The following PKP2 variants were observed in gnomAD, a reference collection of about 807,000 sequenced individuals.
The protein encoded by PKP2 is plakophilin 2, also known as plakophilin-2.
In PKP2, 73 loss-of-function variants were observed where a neutral mutation model predicts 83.4. The observed-to-expected ratio is 0.88, with a 90% CI of 0.72 to 1.06. The LOEUF is 1.06. Among genes scored for constraint, PKP2 ranks in the 50% least tolerant of loss-of-function variants. The pLI is 0.00. For missense variants in PKP2, 966 were observed against 1,065.4 expected (o/e 0.91, Z 1.30); for synonymous variants, 409 against 430.4 (o/e 0.95, Z 0.62).
At chr12:32,848,729 C>G (rs1240613697) in intron 5 of PKP2, among the ~76,000 whole-genome samples, 1 of 152,014 alleles carries the variant, frequency 6.6e-6, no homozygotes, top group Admixed American at 6.6e-5. Flanking sequence ...CCATTCGTAT[C>G]CCAAACCTCA....
intron 9 of PKP2, among the ~76,000 whole-genome samples, chr12:32,805,421 G>A (rs1473104188): frequency 6.6e-6 from 1 of 152,086 alleles, no homozygotes; most frequent in Admixed American, 6.6e-5. Flanking sequence ...TTCTTCTAGG[G>A]TTTTTATAGT....
intron 9 of PKP2, 175 bp downstream of exon 9, chr12:32,821,155 GTACTGACTTGACTTGTCAGTCAAGCA>G (rs1956371526): frequency 5.1e-6 from 3 of 585,812 alleles, no homozygotes; most frequent in African/African-American, 1.9e-5. Flanking sequence ...AACTGAAAGA[GTACTGACTTGACTTGTCAGTCAAGCA>G]GCCTGACTTG....
rs147761617 is a variant in PKP2 at position 32,829,582 on chromosome 12, G to T, written c.1557-5420C>A. On this transcript the variant is annotated intron_variant, in intron 6 of 12. Transcript: ENST00000340811. The stretch of plus-strand genomic sequence containing the variant: ...ATGGGACTATTGCTACTTGATAATG[G>T]GTATGGTTTTTTAACTAACACACAG... 6.2e-3 allele frequency among the ~76,000 whole-genome samples: 949 copies of T among 151,998 alleles called. 7 individuals are homozygous for T. The highest frequency in any genetic ancestry group is 0.01 in the Non-Finnish European group (684 of 67,940).
Position 32,814,373 on chromosome 12 carries a change from C to T in PKP2, c.2013+6983G>A, listed in dbSNP as rs370109050. On this transcript the variant is annotated intron_variant, in intron 9 of 12. Transcript: ENST00000340811. Reference sequence around the variant, plus strand: ...ATCTCTTCCATACATCAGCCACTCACTTCCATGGTCACACAGAGCCTGTGT... The same window carrying T: ...ATCTCTTCCATACATCAGCCACTCATTTCCATGGTCACACAGAGCCTGTGT... Among the ~76,000 whole-genome samples the T allele has an allele frequency of 3.9e-5, 6 of 152,264 alleles. No individual in the cohort carries two copies. The South Asian group carries it at 1.0e-3, about 26-fold the overall frequency.
chr12:32,860,690 C>G (rs1190397085), intron 4 of PKP2, among the ~76,000 whole-genome samples: 1 of 152,106 alleles, frequency 6.6e-6, no homozygotes, highest in Non-Finnish European at 1.5e-5. Flanking sequence ...ATAACAAATG[C>G]ACACTGCACA....
intron 4 of PKP2, among the ~76,000 whole-genome samples, chr12:32,864,311 C>T (rs746070182): frequency 0.09 from 1,451 of 16,076 alleles, 19 homozygotes; most frequent in Non-Finnish European, 0.12. Flanking sequence ...TATACACATA[C>T]ACACACACAC....
intron 1 of PKP2, among the ~76,000 whole-genome samples, chr12:32,883,448 C>A (rs1957003085): frequency 6.6e-6 from 1 of 152,104 alleles, no homozygotes; most frequent in African/African-American, 2.4e-5. Flanking sequence ...TAAAATAAGT[C>A]ATTTTCTGTT....
At chr12:32,849,194 A>G (rs1199553985) in intron 5 of PKP2, among the ~76,000 whole-genome samples, 3 of 152,072 alleles carry the variant, frequency 2.0e-5, no homozygotes, top group African/African-American at 7.2e-5. Flanking sequence ...TGATGATTGC[A>G]CTCAGTTATG....
Position 32,878,327 on chromosome 12 carries a change from G to T in PKP2, c.553C>A (p.Arg185=). 1 of 1,612,500 alleles carries T rather than the reference G, an allele frequency of 6.2e-7. No individual in the cohort carries two copies. ...CTCGGTGGCACTAGGAGGGCGGCCC[G>T]CCTGCTTTCTTGGTGGTGCAGGGTG... The part of the protein sequence containing the change: ...GHTLHHQESR[R]AALLVPPRYA... Residue 185 remains arginine, a synonymous_variant, in exon 3 of 13, where the codon CGG becomes AGG. Coordinates refer to ENST00000340811, the MANE Select transcript of PKP2 (RefSeq NM_001005242.3).
At chr12:32,883,163 T>C (rs1271431700) in intron 1 of PKP2, among the ~76,000 whole-genome samples, 1 of 152,204 alleles carries the variant, frequency 6.6e-6, no homozygotes, top group Admixed American at 6.5e-5. Flanking sequence ...AGATTGAATT[T>C]TTAAATCACA....
chr12:32,866,044 C>A (rs1592757488), intron 4 of PKP2, among the ~76,000 whole-genome samples: 1 of 151,886 alleles, frequency 6.6e-6, no homozygotes, highest in East Asian at 1.9e-4. Context: ...TAAATTAAAT[C>A]CCATTAAAAT....
intron 3 of PKP2, among the ~76,000 whole-genome samples, chr12:32,876,325 T>TC (rs377602952): frequency 1.3e-5 from 2 of 152,092 alleles, no homozygotes; most frequent in African/African-American, 4.8e-5. Flanking sequence ...ACAGGGTGGT[T>TC]CAAGAAGCAA....
intron 3 of PKP2, among the ~76,000 whole-genome samples, chr12:32,874,289 G>T (rs1203405689): frequency 3.3e-5 from 5 of 152,170 alleles, no homozygotes; most frequent in Admixed American, 3.3e-4. Flanking sequence ...TCTCAGGGCA[G>T]GTGTCCCAGG....
chr12:32,840,981 A>G (rs1956585246), intron 6 of PKP2, 47 bp downstream of exon 6: 1 of 1,470,500 alleles, frequency 6.8e-7, no homozygotes, highest in Non-Finnish European at 9.5e-7. Flanking sequence ...GGGGCTACCT[A>G]ATTTTTTATT....
Position 32,804,336 on chromosome 12 carries a change from T to C in PKP2, c.2014-1780A>G, listed in dbSNP as rs534622446. Among the ~76,000 whole-genome samples, 7 of 152,274 alleles carry C rather than the reference T, an allele frequency of 4.6e-5. No homozygotes were observed. The South Asian group carries it at 1.4e-3, about 32-fold the overall frequency. ...ACTTTTAAGCTCAGGGGTACATGTG[T>C]AGGATGTGTAGGTTTGTTAGACAGG... On this transcript the variant is annotated intron_variant, in intron 9 of 12. Coordinates refer to ENST00000340811, the MANE Select transcript of PKP2 (RefSeq NM_001005242.3).
intron 4 of PKP2, chr12:32,863,218 A>G (rs754985206): frequency 1.5e-4 from 36 of 240,864 alleles, no homozygotes; most frequent in Admixed American, 4.0e-5. Context: ...CCGAGATGAA[A>G]CAGAATTCTA....
chr12:32,837,265 G>C (rs2097182659), intron 6 of PKP2, among the ~76,000 whole-genome samples: 1 of 152,132 alleles, frequency 6.6e-6, no homozygotes, highest in Non-Finnish European at 1.5e-5. Context: ...TACTGACTAA[G>C]ACCTTCGAAT....
chr12:32,791,245 T>C lies in PKP2; in HGVS notation c.*1179A>G, dbSNP rs1274782112. ...ATGTCAACCATTTAAAATATCAGTA[T>C]TTCTCATATCATTTCTGGATGGTCT... On this transcript the variant is annotated 3_prime_UTR_variant, in exon 13 of 13. Coordinates refer to ENST00000340811, the MANE Select transcript of PKP2 (RefSeq NM_001005242.3). 1.3e-5 allele frequency: 2 copies of C among 152,232 alleles called. No individual in the cohort carries two copies. Among genetic ancestry groups the C allele is most frequent in the East Asian group, 3.8e-4 (2 of 5,204 alleles). The allele number at this position is 152,232 out of a possible 1,614,324, so 9.4% of individuals were successfully genotyped here.
Position 32,850,751 on chromosome 12 carries a change from T to C in PKP2, c.1378+15A>G. On this transcript the variant is annotated intron_variant, in intron 5 of 12. Coordinates refer to ENST00000340811, the MANE Select transcript of PKP2 (RefSeq NM_001005242.3). ...TGCAAATGTGTTAGGTTCTTCAATG[T>C]TCAGTAAGCACTACCTGTTATTTGT... 1 of 1,602,652 alleles carries C rather than the reference T, an allele frequency of 6.2e-7. No homozygotes were observed. Among genetic ancestry groups the C allele is most frequent in the Non-Finnish European group, 8.5e-7 (1 of 1,171,230 alleles).
Sources: allele counts gnomAD v4.1 joint callset (sites outside exome capture counted in the v4.1 genomes callset), GRCh38; gene constraint gnomAD v4.1.1; transcripts MANE v1.5; gene names NCBI Gene and HGNC (gene_info 2026-07-23, HGNC 2026-07-21).